NCALD: variants seen among roughly 807,000 people sequenced by gnomAD.
NCALD encodes the protein neurocalcin delta, also known as neurocalcin-delta.
NCALD carries 10 observed loss-of-function variants against 18.6 expected under a neutral mutation model. The observed-to-expected ratio is 0.54, with a 90% CI of 0.33 to 0.91. The LOEUF (loss-of-function observed/expected upper bound fraction) is 0.91, where lower values mean the gene tolerates loss of function less well. Among genes scored for constraint, NCALD ranks in the 40% least tolerant of loss-of-function variants. The pLI, the probability that NCALD is intolerant of heterozygous loss-of-function variation, is 0.03. For missense variants in NCALD, 184 were observed against 247.6 expected (o/e 0.74, Z 1.72); for synonymous variants, 88 against 87.4 (o/e 1.01, Z -0.04).
chr8:102,116,006 T>C (rs1367158046), intron 1 of NCALD, among the ~76,000 whole-genome samples: 1 of 152,168 alleles, frequency 6.6e-6, no homozygotes, highest in Non-Finnish European at 1.5e-5. Flanking sequence ...TTTGTTTATT[T>C]TGTTGTTTAA....
intron 4 of NCALD, among the ~76,000 whole-genome samples, chr8:101,807,762 T>C (rs1813157250): frequency 6.6e-6 from 1 of 152,188 alleles, no homozygotes; most frequent in Admixed American, 6.6e-5. Flanking sequence ...CACCCTTGCA[T>C]TGTGCTTTAT....
intron 3 of NCALD, among the ~76,000 whole-genome samples, chr8:101,888,777 T>C (rs1816767165): frequency 6.6e-6 from 1 of 152,202 alleles, no homozygotes; most frequent in South Asian, 2.1e-4. Context: ...ATTTCCACTC[T>C]GTTTATTAAA....
rs1814589831 is a variant in NCALD, at chr8:101,689,095, T to C, written c.*214A>G. 1.4e-6 allele frequency: 1 copy of C among 703,486 alleles called. No homozygotes were observed. 43.6% of individuals were successfully genotyped at this position (703,486 alleles called of 1,614,324 possible). A position where few individuals can be genotyped will look rare whatever the true frequency, so the allele number is the denominator to read the frequency against. The stretch of plus-strand genomic sequence containing the variant: ...CAAACAATGAACACCACGAAGTCTG[T>C]CCATGCTCTCCACAAGCACACTGGG... On this transcript the variant is annotated 3_prime_UTR_variant, in exon 4 of 4. Transcript: ENST00000220931. This position sits in a 1 kb window ranked among gnomAD's most constrained non-coding sequence, Gnocchi z 4.4.
chr8:102,034,331 C>T (rs1822787740), intron 1 of NCALD, among the ~76,000 whole-genome samples: 1 of 152,216 alleles, frequency 6.6e-6, no homozygotes, highest in African/African-American at 2.4e-5. Context: ...TCTTATCCCC[C>T]TTATCAGGGA....
Position 102,017,248 on chromosome 8 carries a change from C to T in NCALD, c.-157+2989G>A, listed in dbSNP as rs112723339. Among the ~76,000 whole-genome samples the T allele has an allele frequency of 4.7e-3, 711 of 151,944 alleles. 2 individuals carry two copies. The highest frequency in any genetic ancestry group is 7.5e-3 in the Non-Finnish European group (511 of 67,966). ...AATATGTGATGCTCAAAAATTTAGACATCCATATAAAAAGTTATTCTTGAC... is the reference window on the plus strand; with the variant it reads ...AATATGTGATGCTCAAAAATTTAGATATCCATATAAAAAGTTATTCTTGAC... On this transcript the variant is annotated intron_variant, in intron 2 of 6. Coordinates refer to the NCALD transcript ENST00000311028.
chr8:102,096,894 G>C (rs1825120818), intron 1 of NCALD, among the ~76,000 whole-genome samples: 1 of 152,158 alleles, frequency 6.6e-6, no homozygotes, highest in Non-Finnish European at 1.5e-5. Flanking sequence ...AAAATGCCAA[G>C]AACCTGGACA....
rs188314852 is a variant in NCALD at position 101,961,372 on chromosome 8, C to T, written c.-156-45514G>A. On this transcript the variant is annotated intron_variant, in intron 2 of 6. Coordinates refer to the NCALD transcript ENST00000311028. Reference sequence around the variant, plus strand: ...CATAAAATTCTCTAAGCTTTAGTTTCCTCATCTATAAATCCTGCAATGTAA... The same window carrying T: ...CATAAAATTCTCTAAGCTTTAGTTTTCTCATCTATAAATCCTGCAATGTAA... Among the ~76,000 whole-genome samples the T allele has an allele frequency of 1.1e-3, 161 of 152,270 alleles. 2 individuals are homozygous for T. The highest frequency in any genetic ancestry group is 1.6e-3 in the Non-Finnish European group (107 of 67,998).
chr8:101,690,336 G>T (rs1185039373), intron 3 of NCALD: 6 of 982,308 alleles, frequency 6.1e-6, no homozygotes, highest in Non-Finnish European at 4.8e-6. Flanking sequence ...GGGAGGAATT[G>T]CTGGGCATCT....
intron 1 of NCALD, among the ~76,000 whole-genome samples, chr8:101,747,155 C>T (rs759041049): frequency 6.7e-6 from 1 of 148,792 alleles, no homozygotes; most frequent in African/African-American, 2.4e-5. Flanking sequence ...TCTTTTCCTG[C>T]CCCACACACA....
intron 1 of NCALD, among the ~76,000 whole-genome samples, chr8:102,046,143 T>G (rs1823230847): frequency 6.6e-6 from 1 of 152,230 alleles, no homozygotes. Context: ...GGCCTGAAAT[T>G]GCATCAAGTA....
At chr8:102,067,597 C>T (rs936890306) in intron 1 of NCALD, among the ~76,000 whole-genome samples, 22 of 152,166 alleles carry the variant, frequency 1.4e-4, no homozygotes, top group Admixed American at 5.9e-4. Flanking sequence ...CCACAGAAAA[C>T]GTAATTTTTG....
At chr8:102,038,989 C>T (rs571248514) in intron 1 of NCALD, among the ~76,000 whole-genome samples, 1 of 152,308 alleles carries the variant, frequency 6.6e-6, no homozygotes, top group South Asian at 2.1e-4. Flanking sequence ...CAAGGAATCA[C>T]AGGAGCCCTC....
chr8:101,952,360 T>G (rs1284395583), intron 2 of NCALD, among the ~76,000 whole-genome samples: 1 of 152,182 alleles, frequency 6.6e-6, no homozygotes, highest in African/African-American at 2.4e-5. Flanking sequence ...AGCTCTGACA[T>G]CTCTTCCTGA....
chr8:101,879,424 G>A (rs990587221), intron 4 of NCALD, among the ~76,000 whole-genome samples: 1 of 152,158 alleles, frequency 6.6e-6, no homozygotes, highest in Non-Finnish European at 1.5e-5. Context: ...TTCTCCCAGT[G>A]GCTTCGTGGT....
chr8:101,979,407 C>T (rs1393964238), intron 2 of NCALD, among the ~76,000 whole-genome samples: 1 of 152,196 alleles, frequency 6.6e-6, no homozygotes, highest in East Asian at 1.9e-4. Flanking sequence ...AACGTTCCTA[C>T]TCTTAGGCAG....
intron 4 of NCALD, among the ~76,000 whole-genome samples, chr8:101,850,163 C>T (rs1169343094): frequency 2.0e-5 from 3 of 152,178 alleles, no homozygotes; most frequent in Non-Finnish European, 4.4e-5. Context: ...AGGAGTGTCA[C>T]AGGCCCGGGC....
At chr8:101,936,365 T>G (rs1436953798) in intron 2 of NCALD, among the ~76,000 whole-genome samples, 1 of 152,062 alleles carries the variant, frequency 6.6e-6, no homozygotes, top group Non-Finnish European at 1.5e-5. Context: ...TGAAGGCATA[T>G]GCAAAGCAGT....
chr8:101,971,522 T>G (rs1442102973), intron 2 of NCALD, among the ~76,000 whole-genome samples: 1 of 152,134 alleles, frequency 6.6e-6, no homozygotes, highest in Non-Finnish European at 1.5e-5. Flanking sequence ...CTCTCTCTTG[T>G]CTGCTGCCAT....
chr8:101,990,907 T>G (rs1227344080), intron 2 of NCALD, among the ~76,000 whole-genome samples: 2 of 152,138 alleles, frequency 1.3e-5, no homozygotes, highest in Non-Finnish European at 2.9e-5. Context: ...AAAAATCCCC[T>G]GAGCACACAG....
Sources: gnomAD v4.1 joint callset for allele counts (sites outside exome capture counted in the v4.1 genomes callset) on GRCh38, gnomAD v4.1.1 for gene constraint, Gnocchi (gnomAD v3.1) non-coding constraint, MANE v1.5 for transcripts, NCBI Gene and HGNC (gene_info 2026-07-23, HGNC 2026-07-21) for gene names.